SLC15A3: variants seen among roughly 807,000 people sequenced by gnomAD.
SLC15A3 encodes osteoclast transporter.
A neutral mutation model predicts 49.2 loss-of-function variants in SLC15A3; 39 were observed. The observed-to-expected ratio is 0.79, with a 90% confidence interval of 0.61 to 1.04. SLC15A3 has a LOEUF of 1.04. Ranked by LOEUF, SLC15A3 falls within the 50% of genes least tolerant of loss-of-function variation. The pLI is 0.00. For synonymous variants in SLC15A3, 339 were observed against 367.0 expected (o/e 0.92, Z 0.87); for missense variants, 758 against 794.8 (o/e 0.95, Z 0.56).
chr11:60,941,968 C>T, intron 4 of SLC15A3, 67 bp downstream of exon 4: 1 of 1,468,450 alleles, frequency 6.8e-7, no homozygotes. Context: ...AGTTTCATTT[C>T]CTCCTCTTCT....
In SLC15A3 at chr11:60,946,393, C is replaced by G. The variant is rs1590641525; in HGVS notation, c.848+139G>C. 3.1e-6 allele frequency: 3 copies of G among 978,670 alleles called. No individual in the cohort carries two copies. The East Asian group carries it at 8.1e-5, about 26-fold the overall frequency. 60.6% of individuals were successfully genotyped at this position (978,670 alleles called of 1,614,324 possible). On this transcript the variant is annotated intron_variant, in intron 2 of 7. Transcript: ENST00000227880. ...CCTCAGTCACAGCGGGCAGCTCTGG[C>G]CCACTGGAGAGCAGATCATCATAAA...
intron 3 of SLC15A3, 161 bp from the exon 4 acceptor site, chr11:60,942,306 T>C: frequency 1.7e-6 from 1 of 605,596 alleles, no homozygotes; most frequent in Non-Finnish European, 3.0e-6. Flanking sequence ...TTCTCCTAGG[T>C]AGCTGGGCTG....
intron 1 of SLC15A3, among the ~76,000 whole-genome samples, chr11:60,947,595 TG>T (rs1300103667): frequency 8.5e-5 from 13 of 152,212 alleles, no homozygotes; most frequent in African/African-American, 3.1e-4. Flanking sequence ...GAATTTCCTC[TG>T]CAGTTCGGAG....
At chr11:60,941,836 T>G in intron 4 of SLC15A3, 199 bp downstream of exon 4, 1 of 574,496 alleles carries the variant, frequency 1.7e-6, no homozygotes, top group South Asian at 2.0e-5. Flanking sequence ...TGGCCTGAAT[T>G]CCTTCAAGCA....
intron 5 of SLC15A3, 157 bp downstream of exon 5, chr11:60,940,965 A>C (rs555893950): frequency 5.9e-6 from 4 of 673,050 alleles, no homozygotes; most frequent in African/African-American, 5.5e-5. Flanking sequence ...ATTAGATAGG[A>C]GGGTCTCTTT....
Position 60,937,133 on chromosome 11 carries a change from A to G in SLC15A3, c.*86T>C. ...TATTTATGGGAACCATTTCATTCTA[A>G]CAGAATAAACCGAGAAGGAAACCAG... On this transcript the variant is annotated 3_prime_UTR_variant, in exon 8 of 8. Transcript: ENST00000227880. The G allele has an allele frequency of 6.6e-7, 1 of 1,525,302 alleles. No individual in the cohort carries two copies. Among genetic ancestry groups the G allele is most frequent in the Non-Finnish European group, 8.8e-7 (1 of 1,134,586 alleles). The allele number at this position is 1,525,302 out of a possible 1,614,324, so 94.5% of individuals were successfully genotyped here.
Position 60,949,267 on chromosome 11 carries a change from G to A in SLC15A3, c.558+1727C>T, listed in dbSNP as rs897204534. Among the ~76,000 whole-genome samples, 5 of 151,978 alleles carry A rather than the reference G, an allele frequency of 3.3e-5. No individual in the cohort carries two copies. The South Asian group carries it at 6.2e-4, about 19-fold the overall frequency. On this transcript the variant is annotated intron_variant, in intron 1 of 7. Coordinates refer to ENST00000227880, the MANE Select transcript of SLC15A3 (RefSeq NM_016582.3). The stretch of plus-strand genomic sequence containing the variant: ...AGGGAGAATTGCTTGAGCCCGGGAG[G>A]TGGAGGTTGCAGTGATCTGAGATCG...
chr11:60,942,211 G>T (rs1244389363), intron 3 of SLC15A3, 66 bp from the exon 4 acceptor site: 1 of 1,343,842 alleles, frequency 7.4e-7, no homozygotes, highest in Non-Finnish European at 1.1e-6. Context: ...CTCCTAGGTG[G>T]CATTCCTCAG....
intron 1 of SLC15A3, among the ~76,000 whole-genome samples, chr11:60,949,483 A>G (rs1481454536): frequency 6.8e-6 from 1 of 146,090 alleles, no homozygotes. Flanking sequence ...AGAGAAAGAA[A>G]GGAAGAAAGA....
Position 60,943,825 on chromosome 11 carries a change from C to G in SLC15A3, c.860G>C (p.Cys287Ser). ...WQRHSARDRQ[C>S]ARVLADERSP... ...CCTCTCGTCGGCCAGCACGCGGGCA[C>G]ATTGACGGTCTCTGTGAGACCCCAG... Residue 287 changes from cysteine (C) to serine (S), a missense_variant, in exon 3 of 8, where the codon TGT (cysteine) becomes TCT (serine). Cys to Ser is a moderately radical substitution (Grantham distance 112, BLOSUM62 -1). This residue lies in a region of SLC15A3 where 699 missense variants were observed against 706.7 expected (regional missense o/e 0.99). Coordinates refer to ENST00000227880, the MANE Select transcript of SLC15A3 (RefSeq NM_016582.3). 6.3e-7 allele frequency: 1 copy of G among 1,587,080 alleles called. No homozygotes were observed. Among genetic ancestry groups the G allele is most frequent in the Non-Finnish European group, 8.6e-7 (1 of 1,164,406 alleles).
chr11:60,942,571 T>C (rs1206822301), intron 3 of SLC15A3: 1 of 178,504 alleles, frequency 5.6e-6, no homozygotes, highest in Non-Finnish European at 1.2e-5. Context: ...AGAATGGCTC[T>C]GGACACAGCT....
chr11:60,949,553 AAAGAAAG>A (rs1856873363), intron 1 of SLC15A3, among the ~76,000 whole-genome samples: 1 of 80,416 alleles, frequency 1.2e-5, no homozygotes, highest in African/African-American at 2.7e-5. Context: ...AGAAAGAAAG[AAAGAAAG>A]AAAGAAAGAA....
At chr11:60,941,821 G>A (rs1304833611) in intron 4 of SLC15A3, 6 of 548,514 alleles carry the variant, frequency 1.1e-5, no homozygotes, top group Non-Finnish European at 1.6e-5. Context: ...ATGGGGGTGT[G>A]CAGCTGGCCT....
rs750368163 is a variant in SLC15A3, at chr11:60,937,327, A to G, written c.1638T>C (p.Ala546=). The G allele has an allele frequency of 1.2e-6, 2 of 1,614,174 alleles. No individual in the cohort carries two copies. The highest frequency in any genetic ancestry group is 1.7e-5 in the Admixed American group (1 of 60,024). Residue 546 remains alanine (A), a synonymous_variant, in exon 8 of 8, where the codon GCT becomes GCC. Transcript: ENST00000227880. ...CRMDLYFFLL[A]GIQAVTALLF... is the part of the protein sequence containing the mutation. ...GGAGAGCCGTGACGGCCTGAATGCC[A>G]GCCAGCAGGAAGAAGTAGAGGTCCA...
intron 4 of SLC15A3, 38 bp from the exon 5 acceptor site, chr11:60,941,328 G>A (rs762720807): frequency 7.6e-6 from 12 of 1,587,274 alleles, no homozygotes; most frequent in Non-Finnish European, 1.0e-5. Flanking sequence ...GGCTAGCAGA[G>A]TGCAAGGAGC....
Position 60,951,963 on chromosome 11 carries a change from C to T in SLC15A3, c.-412G>A, listed in dbSNP as rs1856938524. Among the ~76,000 whole-genome samples the T allele has an allele frequency of 6.6e-6, 1 of 151,888 alleles. No homozygotes were observed. The highest frequency in any genetic ancestry group is 2.4e-5 in the African/African-American group (1 of 41,360). ...CTCCCTTTCCCCTCCCCGTTTGTCG[C>T]CCCTTCCTGTTGTCCCCTCTCCTTA... On this transcript the variant is annotated 5_prime_UTR_variant, in exon 1 of 8. Coordinates refer to ENST00000227880, the MANE Select transcript of SLC15A3 (RefSeq NM_016582.3).
At position 60,949,564 on chromosome 11, in the gene SLC15A3, G is replaced by GAAAGAAAGAAAGAAAAGAAAAGA. The variant is rs1554986438; in HGVS notation, c.558+1429_558+1430insTCTTTTCTTTTCTTTCTTTCTTT. Among the ~76,000 whole-genome samples the GAAAGAAAGAAAGAAAAGAAAAGA allele has an allele frequency of 5.9e-5, 7 of 118,016 alleles. No homozygotes were observed. The East Asian group carries it at 1.1e-3, about 18-fold the overall frequency. 77.4% of individuals were successfully genotyped at this position (118,016 alleles called of 152,430 possible). On this transcript the variant is annotated intron_variant, in intron 1 of 7. Coordinates refer to ENST00000227880, the MANE Select transcript of SLC15A3 (RefSeq NM_016582.3). ...AGAAAGAAAGAAAGAAAGAAAGAAA[G>GAAAGAAAGAAAGAAAAGAAAAGA]AAAGAAAAGAGATGGCCAGGGCTGG...
rs1211598099 is a variant in SLC15A3 at position 60,951,474 on chromosome 11, G to A, written c.78C>T (p.Gly26=). 6.0e-6 allele frequency: 8 copies of A among 1,341,946 alleles called. No homozygotes were observed. The highest frequency in any genetic ancestry group is 3.1e-5 in the African/African-American group (2 of 64,890). 83.1% of individuals were successfully genotyped at this position (1,341,946 alleles called of 1,614,324 possible). A position where few individuals can be genotyped will look rare whatever the true frequency, so the allele number is the denominator to read the frequency against. The change falls in exon 1 of 8, where the codon GGC becomes GGT. Residue 26 remains glycine, a synonymous_variant. Coordinates refer to ENST00000227880, the MANE Select transcript of SLC15A3 (RefSeq NM_016582.3). ...CCGCCGCCCGCCGCCACCGTCGAGG[G>A]CCCCGCGCACCGCGAGGCAGCAGCG... ...RQPLLPRGAR[G]PRRWRRAAGA...
rs766970798 is a variant in SLC15A3 at position 60,951,006 on chromosome 11, G to A, written c.546C>T (p.Phe182=). The change falls in exon 1 of 8, where the codon TTC becomes TTT. Residue 182 remains phenylalanine (F), a synonymous_variant. Transcript: ENST00000227880. ...TCCTGCCACTCACCTGGTCGGCACC[G>A]AAGGAGGTGAGGTTGCTCCGGACGG... ...ASSVRSNLTS[F]GADQVMDLGR... 126 of 1,482,466 alleles carry A rather than the reference G, an allele frequency of 8.5e-5. 1 individual carries two copies. Among genetic ancestry groups the A allele is most frequent in the Middle Eastern group, 4.8e-4 (2 of 4,160 alleles). 91.8% of individuals were successfully genotyped at this position (1,482,466 alleles called of 1,614,324 possible).
Sources: gnomAD v4.1 joint callset for allele counts (sites outside exome capture counted in the v4.1 genomes callset) on GRCh38, gnomAD v4.1.1 for gene constraint, gnomAD v4.1.1 regional missense constraint, MANE v1.5 for transcripts, NCBI Gene and HGNC (gene_info 2026-07-23, HGNC 2026-07-21) for gene names.